ZFAND3: variants seen among roughly 807,000 people sequenced by gnomAD.
ZFAND3 encodes the protein AN1-type zinc finger protein 3.
In ZFAND3, 10 loss-of-function variants were observed where a neutral mutation model predicts 29.6. The ratio of observed to expected loss-of-function variants is 0.34; its 90% confidence interval spans 0.21 to 0.57. The LOEUF is 0.57. Ranked by LOEUF, ZFAND3 falls within the 20% of genes least tolerant of loss-of-function variation. The pLI is 0.86. For missense variants in ZFAND3, 230 were observed against 304.5 expected (o/e 0.76, Z 1.82); for synonymous variants, 128 against 112.6 (o/e 1.14, Z -0.87).
intron 2 of ZFAND3, among the ~76,000 whole-genome samples, chr6:38,030,943 T>A (rs569944101): frequency 6.6e-6 from 1 of 152,300 alleles, no homozygotes; most frequent in East Asian, 1.9e-4. Flanking sequence ...CCACAATGGA[T>A]GGCAGTAACA....
chr6:37,935,985 A>AT (rs558051645), intron 2 of ZFAND3, among the ~76,000 whole-genome samples: 28 of 151,516 alleles, frequency 1.8e-4, no homozygotes, highest in South Asian at 6.3e-4. Flanking sequence ...TGCCTATGGT[A>AT]TTTTTTTTTG....
In ZFAND3 at chr6:37,999,057, A is replaced by C. The variant is rs139458480; in HGVS notation, c.113-62536A>C. On this transcript the variant is annotated intron_variant, in intron 2 of 5. Coordinates refer to ENST00000287218, the MANE Select transcript of ZFAND3 (RefSeq NM_021943.3). ...TCTTGGAGAAGTGGTCAGTTCTAGG[A>C]CTGGAGTAGGAAATATATAAATTGA... Among the ~76,000 whole-genome samples the C allele has an allele frequency of 9.2e-5, 14 of 152,286 alleles. No homozygotes were observed. The East Asian group carries it at 2.7e-3, about 29-fold the overall frequency.
At chr6:37,870,705 A>G (rs998564494) in intron 1 of ZFAND3, among the ~76,000 whole-genome samples, 2 of 151,898 alleles carry the variant, frequency 1.3e-5, no homozygotes, top group Non-Finnish European at 2.9e-5. Flanking sequence ...AATGAATGAG[A>G]CAGGGTCTTG....
At chr6:37,831,782 CA>C (rs1763866627) in intron 1 of ZFAND3, among the ~76,000 whole-genome samples, 1 of 152,148 alleles carries the variant, frequency 6.6e-6, no homozygotes, top group South Asian at 2.1e-4. Context: ...GGTGCAAACA[CA>C]AGTCCATATG....
chr6:37,829,165 A>C (rs1232790645), intron 1 of ZFAND3, among the ~76,000 whole-genome samples: 2 of 152,034 alleles, frequency 1.3e-5, no homozygotes, highest in African/African-American at 4.8e-5. Context: ...ACTGATCAGC[A>C]GTGGGTTTGA....
intron 2 of ZFAND3, among the ~76,000 whole-genome samples, chr6:38,045,748 A>G (rs1763890986): frequency 6.6e-6 from 1 of 152,218 alleles, no homozygotes; most frequent in Admixed American, 6.5e-5. Flanking sequence ...TTTTAAAATG[A>G]TGATATCAGG....
intron 2 of ZFAND3, among the ~76,000 whole-genome samples, chr6:38,001,071 G>A (rs1762939581): frequency 6.6e-6 from 1 of 152,162 alleles, no homozygotes; most frequent in Non-Finnish European, 1.5e-5. Flanking sequence ...GAAGAATGCA[G>A]GGTAATTTAG....
chr6:37,945,370 T>C (rs900571104), intron 2 of ZFAND3, among the ~76,000 whole-genome samples: 2 of 152,098 alleles, frequency 1.3e-5, no homozygotes, highest in Admixed American at 1.3e-4. Flanking sequence ...TTTTGGACAA[T>C]GGGAAATTTT....
At chr6:37,888,297 A>C (rs1310119286) in intron 1 of ZFAND3, among the ~76,000 whole-genome samples, 1 of 152,198 alleles carries the variant, frequency 6.6e-6, no homozygotes, top group Non-Finnish European at 1.5e-5. Context: ...TTTGAATGTC[A>C]CATAGCTCAG....
At chr6:37,854,972 T>TG (rs1764352907) in intron 1 of ZFAND3, among the ~76,000 whole-genome samples, 1 of 137,396 alleles carries the variant, frequency 7.3e-6, no homozygotes, top group Non-Finnish European at 1.5e-5. Context: ...GTGTTTTTTT[T>TG]TTTTTTTTTT....
Position 37,999,087 on chromosome 6 carries a change from T to A in ZFAND3, c.113-62506T>A, listed in dbSNP as rs559969198. Among the ~76,000 whole-genome samples the A allele has an allele frequency of 7.2e-5, 11 of 152,260 alleles. No homozygotes were observed. The South Asian group carries it at 1.9e-3, about 26-fold the overall frequency. ...AGTAGGAAATATATAAATTGAGCTTTGAACATATTATAGTGCCAAAAAGTA... is the reference window on the plus strand; with the variant it reads ...AGTAGGAAATATATAAATTGAGCTTAGAACATATTATAGTGCCAAAAAGTA... On this transcript the variant is annotated intron_variant, in intron 2 of 5. Transcript: ENST00000287218.
At chr6:38,092,804 A>G (rs1051991867) in intron 4 of ZFAND3, among the ~76,000 whole-genome samples, 1 of 152,200 alleles carries the variant, frequency 6.6e-6, no homozygotes. Context: ...ACAGAAGAAT[A>G]CTTTTTGGAA....
At chr6:37,872,642 T>C (rs1345051730) in intron 1 of ZFAND3, among the ~76,000 whole-genome samples, 5 of 152,204 alleles carry the variant, frequency 3.3e-5, no homozygotes, top group Non-Finnish European at 7.3e-5. Context: ...ATATCATTCA[T>C]AGGTTTTGCT....
rs191035689 is a variant in ZFAND3 at position 38,102,347 on chromosome 6, A to G, written c.362-14225A>G. Among the ~76,000 whole-genome samples, 200 of 152,306 alleles carry G rather than the reference A, an allele frequency of 1.3e-3. 1 individual carries two copies. The highest frequency in any genetic ancestry group is 4.5e-3 in the African/African-American group (188 of 41,584). ...TGGGAATATCTGACTTTTTGTCTGT[A>G]TGTGTGTTTTTGATAAAAATTCAGA... On this transcript the variant is annotated intron_variant, in intron 4 of 5. Coordinates refer to ENST00000287218, the MANE Select transcript of ZFAND3 (RefSeq NM_021943.3).
chr6:38,090,423 A>G (rs569822140), intron 4 of ZFAND3, among the ~76,000 whole-genome samples: 74 of 152,338 alleles, frequency 4.9e-4, no homozygotes, highest in African/African-American at 1.7e-3. Flanking sequence ...GTATTTAAAT[A>G]AATGTTTTAC....
At chr6:38,136,937 A>G (rs1274133955) in intron 5 of ZFAND3, among the ~76,000 whole-genome samples, 1 of 152,216 alleles carries the variant, frequency 6.6e-6, no homozygotes, top group Non-Finnish European at 1.5e-5. Context: ...GTTTATGTTA[A>G]TACTCTTGCA....
intron 1 of ZFAND3, among the ~76,000 whole-genome samples, chr6:37,835,411 C>A (rs1008608475): frequency 2.6e-5 from 4 of 151,802 alleles, no homozygotes; most frequent in Non-Finnish European, 5.9e-5. Context: ...CCTGCCCCAG[C>A]CTCCCAAAGT....
chr6:38,041,631 TTTCTTCTTCTTCTTCTTCTTC>T (rs1193585476), intron 2 of ZFAND3, among the ~76,000 whole-genome samples: 4 of 56,196 alleles, frequency 7.1e-5, no homozygotes, highest in Non-Finnish European at 1.9e-4. Context: ...TTATCTACTT[TTTCTTCTTCTTCTTCTTCTTC>T]TTCTTCTTCT....
rs540722156 is a variant in ZFAND3 at position 37,985,723 on chromosome 6, T to A, written c.112+55724T>A. The stretch of plus-strand genomic sequence containing the variant: ...GTAAAGTTTAGGTTGGTGTTATTAC[T>A]TAAGGTTCACAGTGCCACCAACATA... On this transcript the variant is annotated intron_variant, in intron 2 of 5. Coordinates refer to ENST00000287218, the MANE Select transcript of ZFAND3 (RefSeq NM_021943.3). 1.1e-4 allele frequency among the ~76,000 whole-genome samples: 16 copies of A among 152,280 alleles called. No individual in the cohort carries two copies. In the South Asian group the frequency reaches 2.9e-3, roughly 28 times the overall value.
Sources: gnomAD v4.1 joint callset for allele counts (sites outside exome capture counted in the v4.1 genomes callset) on GRCh38, gnomAD v4.1.1 for gene constraint, MANE v1.5 for transcripts, NCBI Gene and HGNC (gene_info 2026-07-23, HGNC 2026-07-21) for gene names.